Variants in CRPPA observed in about 807,000 individuals in gnomAD.
CRPPA encodes the protein CDP-L-ribitol pyrophosphorylase A, also known as D-ribitol-5-phosphate cytidylyltransferase.
Under a neutral mutation model 52.0 loss-of-function variants are expected in CRPPA, and 43 were observed. The observed-to-expected ratio is 0.83, with a 90% CI of 0.65 to 1.07. CRPPA has a LOEUF of 1.07. CRPPA is among the 50% of genes least tolerant of loss of function. CRPPA has a pLI of 0.00. For missense variants in CRPPA, 629 were observed against 551.7 expected (o/e 1.14, Z -1.40); for synonymous variants, 250 against 203.5 (o/e 1.23, Z -1.94).
At chr7:16,382,614 C>T (rs1411243369) in intron 2 of CRPPA, among the ~76,000 whole-genome samples, 1 of 152,108 alleles carries the variant, frequency 6.6e-6, no homozygotes, top group East Asian at 1.9e-4. Flanking sequence ...TTCTCCCCGT[C>T]ACTTTCAGGT....
intron 2 of CRPPA, among the ~76,000 whole-genome samples, chr7:16,395,977 T>A (rs777224235): frequency 2.0e-4 from 30 of 152,312 alleles, no homozygotes; most frequent in Non-Finnish European, 4.0e-4. Flanking sequence ...CCATAGCACC[T>A]CAGAGAATAG....
chr7:16,225,249 C>G (rs1242660380), intron 8 of CRPPA, among the ~76,000 whole-genome samples: 1 of 151,958 alleles, frequency 6.6e-6, no homozygotes, highest in East Asian at 1.9e-4. Context: ...ACATTTTAAA[C>G]AGTTAATAGG....
intron 9 of CRPPA, among the ~76,000 whole-genome samples, chr7:16,163,476 C>T (rs940897301): frequency 1.3e-5 from 2 of 152,020 alleles, no homozygotes; most frequent in East Asian, 3.9e-4. Context: ...TCCAATTTGC[C>T]AGTCTGTGTC....
rs1781960767 is a variant in CRPPA, at chr7:16,097,609, C to G, written c.1252-5810G>C. On this transcript the variant is annotated intron_variant, in intron 9 of 9. Transcript: ENST00000407010. The stretch of plus-strand genomic sequence containing the variant: ...AGTCGTGTCAATAAAGTCCCACATG[C>G]CAGTCTTTGTGTGCGTTTGTCTTTT... 2.0e-5 allele frequency among the ~76,000 whole-genome samples: 3 copies of G among 152,130 alleles called. No individual in the cohort carries two copies. In the South Asian group the frequency reaches 6.2e-4, roughly 32 times the overall value.
chr7:16,210,084 C>T (rs1397919014), intron 9 of CRPPA, among the ~76,000 whole-genome samples: 7 of 152,124 alleles, frequency 4.6e-5, no homozygotes, highest in African/African-American at 1.4e-4. Flanking sequence ...TTTTGCCTTT[C>T]TAACACCCTA....
intron 9 of CRPPA, among the ~76,000 whole-genome samples, chr7:16,209,430 A>G (rs1474167331): frequency 2.6e-5 from 4 of 151,646 alleles, no homozygotes; most frequent in Admixed American, 2.0e-4. Flanking sequence ...CCCCACCACA[A>G]TCGGCTAATT....
intron 3 of CRPPA, among the ~76,000 whole-genome samples, chr7:16,370,007 G>C (rs1025241761): frequency 1.2e-4 from 18 of 152,210 alleles, no homozygotes; most frequent in African/African-American, 4.1e-4. Context: ...TGGATTTAGG[G>C]AGTGGTGTGA....
chr7:16,203,119 A>G (rs1406191240), intron 9 of CRPPA, among the ~76,000 whole-genome samples: 1 of 152,216 alleles, frequency 6.6e-6, no homozygotes, highest in African/African-American at 2.4e-5. Flanking sequence ...GACCCTTTAT[A>G]ATTCCACAGT....
intron 1 of CRPPA, among the ~76,000 whole-genome samples, chr7:16,412,630 T>G (rs1157241936): frequency 6.6e-6 from 1 of 152,194 alleles, no homozygotes; most frequent in Non-Finnish European, 1.5e-5. Flanking sequence ...TATTAAAATT[T>G]AATAATGTAA....
intron 3 of CRPPA, among the ~76,000 whole-genome samples, chr7:16,329,418 A>G (rs1402876640): frequency 6.6e-6 from 1 of 152,174 alleles, no homozygotes; most frequent in Non-Finnish European, 1.5e-5. Context: ...CACAAAATAT[A>G]TTCCCCTCTA....
intron 9 of CRPPA, among the ~76,000 whole-genome samples, chr7:16,215,240 T>A (rs1782271760): frequency 6.6e-6 from 1 of 152,200 alleles, no homozygotes; most frequent in African/African-American, 2.4e-5. Context: ...TTGAGACCAC[T>A]AAAAATAGCA....
intron 4 of CRPPA, among the ~76,000 whole-genome samples, chr7:16,303,496 A>AAAAAAAAAAAAAAAAAAAAAAG: frequency 6.7e-6 from 1 of 148,326 alleles, no homozygotes; most frequent in African/African-American, 2.5e-5. Context: ...AAAAAAAAAA[A>AAAAAAAAAAAAAAAAAAAAAAG]AAAAAAACTT....
intron 9 of CRPPA, among the ~76,000 whole-genome samples, chr7:16,162,388 A>C (rs1780920827): frequency 6.6e-6 from 1 of 152,100 alleles, no homozygotes; most frequent in Non-Finnish European, 1.5e-5. Flanking sequence ...CTTTGCTCTC[A>C]TTGGTTTCAA....
chr7:16,111,423 T>A (rs1314364210), intron 9 of CRPPA, among the ~76,000 whole-genome samples: 1 of 152,190 alleles, frequency 6.6e-6, no homozygotes, highest in African/African-American at 2.4e-5. Context: ...CTTCTGGATA[T>A]CTACCAAAAG....
intron 5 of CRPPA, among the ~76,000 whole-genome samples, chr7:16,287,873 G>T (rs1303032450): frequency 7.6e-6 from 1 of 131,738 alleles, no homozygotes; most frequent in Non-Finnish European, 1.6e-5. Context: ...AGTGAGCCAA[G>T]ATTGTACCAC....
intron 9 of CRPPA, among the ~76,000 whole-genome samples, chr7:16,105,443 C>T (rs1012590957): frequency 6.6e-6 from 1 of 152,152 alleles, no homozygotes; most frequent in Non-Finnish European, 1.5e-5. Flanking sequence ...GACAGTCATA[C>T]CCATCCCTAC....
intron 1 of CRPPA, among the ~76,000 whole-genome samples, chr7:16,412,175 G>C (rs919260514): frequency 2.0e-5 from 3 of 152,128 alleles, no homozygotes; most frequent in African/African-American, 7.2e-5. Context: ...AATTGTATGA[G>C]ACTCTAAACA....
At chr7:16,218,886 G>A (rs1782414833) in intron 8 of CRPPA, among the ~76,000 whole-genome samples, 1 of 151,382 alleles carries the variant, frequency 6.6e-6, no homozygotes, top group Non-Finnish European at 1.5e-5. Context: ...AGATCAACGA[G>A]ACAGAAAGTC....
At chr7:16,318,399 AGTCCAAC>A (rs956725043) in intron 3 of CRPPA, among the ~76,000 whole-genome samples, 2 of 152,214 alleles carry the variant, frequency 1.3e-5, no homozygotes, top group Non-Finnish European at 2.9e-5. Context: ...TATGAAAAAA[AGTCCAAC>A]CCACTCCCTT....
Sources: allele counts gnomAD v4.1 joint callset (sites outside exome capture counted in the v4.1 genomes callset), GRCh38; gene constraint gnomAD v4.1.1; transcripts MANE v1.5; gene names NCBI Gene and HGNC (gene_info 2026-07-23, HGNC 2026-07-21).